CNTNAP2: variants seen among roughly 807,000 people sequenced by gnomAD.
CNTNAP2 encodes the protein contactin associated protein 2.
A neutral mutation model predicts 155.2 loss-of-function variants in CNTNAP2; 98 were observed. The ratio of observed to expected loss-of-function variants is 0.63; its 90% CI spans 0.54 to 0.75. The LOEUF (loss-of-function observed/expected upper bound fraction) is 0.75. CNTNAP2 is among the 30% of genes least tolerant of loss of function. The pLI is 0.00. For synonymous variants in CNTNAP2, 651 were observed against 631.2 expected (o/e 1.03, Z -0.47); for missense variants, 1,727 against 1,688.1 (o/e 1.02, Z -0.40).
chr7:146,586,127 G>A (rs1798688266), intron 1 of CNTNAP2, among the ~76,000 whole-genome samples: 1 of 152,068 alleles, frequency 6.6e-6, no homozygotes, highest in Admixed American at 6.5e-5. Flanking sequence ...AATATATATT[G>A]AAATGACAGA....
chr7:148,215,028 G>A (rs1795612586), intron 18 of CNTNAP2, among the ~76,000 whole-genome samples: 1 of 152,272 alleles, frequency 6.6e-6, no homozygotes, highest in East Asian at 1.9e-4. Context: ...GGACCAGGAG[G>A]AAAATTGCAC....
chr7:147,620,441 A>C (rs1344072565), intron 12 of CNTNAP2, among the ~76,000 whole-genome samples: 1 of 151,922 alleles, frequency 6.6e-6, no homozygotes, highest in Non-Finnish European at 1.5e-5. Flanking sequence ...AAAGCGGAGA[A>C]GGTATTCAGA....
rs1800017136 is a variant in CNTNAP2 at position 148,417,321 on chromosome 7, TACCTAG to T, written c.*1707_*1712del. The T allele has an allele frequency of 6.6e-6, 1 of 152,618 alleles. No individual in the cohort carries two copies. Among genetic ancestry groups the T allele is most frequent in the Non-Finnish European group, 1.5e-5 (1 of 68,038 alleles). 9.5% of individuals were successfully genotyped at this position (152,618 alleles called of 1,614,324 possible). ...CAGTTTCTTGGGTAATGGAAAACAT[TACCTAG>T]AGTTGCCAGTGGCACATTACACCAG... On this transcript the variant is annotated 3_prime_UTR_variant, in exon 24 of 24. Transcript: ENST00000361727.
chr7:147,626,551 C>T (rs1193739995), intron 12 of CNTNAP2, among the ~76,000 whole-genome samples: 1 of 152,168 alleles, frequency 6.6e-6, no homozygotes, highest in East Asian at 1.9e-4. Flanking sequence ...ACCCTAGTAG[C>T]TGATTACAAA....
intron 9 of CNTNAP2, among the ~76,000 whole-genome samples, chr7:147,336,303 AACC>A (rs1393862842): frequency 6.6e-6 from 1 of 152,112 alleles, no homozygotes; most frequent in African/African-American, 2.4e-5. Context: ...CACATTTTCC[AACC>A]TTAGAGTTTT....
intron 14 of CNTNAP2, among the ~76,000 whole-genome samples, chr7:147,939,814 C>CA (rs1800684617): frequency 4.0e-5 from 6 of 151,428 alleles, no homozygotes; most frequent in Admixed American, 4.0e-4. Context: ...ACACACACAC[C>CA]CCCCAGCAGA....
chr7:148,245,967 T>C, intron 20 of CNTNAP2, among the ~76,000 whole-genome samples: 1 of 152,196 alleles, frequency 6.6e-6, no homozygotes, highest in Non-Finnish European at 1.5e-5. Context: ...GCTCCAAACA[T>C]AGCATTAAAA....
At position 146,862,943 on chromosome 7, in the gene CNTNAP2, G is replaced by A. The variant is rs374796113; in HGVS notation, c.402+23039G>A. Among the ~76,000 whole-genome samples, 141 of 152,280 alleles carry A rather than the reference G, an allele frequency of 9.3e-4. 2 individuals are homozygous for A. In the South Asian group the frequency reaches 0.026, roughly 28 times the overall value. The stretch of plus-strand genomic sequence containing the variant: ...CAGTGTTATAGTCACTTTTGTGCTT[G>A]AGTCAACCTTCATGCATATAGATTT... On this transcript the variant is annotated intron_variant, in intron 3 of 23. Transcript: ENST00000361727.
chr7:147,009,747 T>C (rs1798590452), intron 3 of CNTNAP2, among the ~76,000 whole-genome samples: 1 of 152,154 alleles, frequency 6.6e-6, no homozygotes, highest in East Asian at 1.9e-4. Flanking sequence ...GCAAATTCTA[T>C]AGACTTCCTT....
At chr7:148,361,988 T>C (rs1798630575) in intron 21 of CNTNAP2, among the ~76,000 whole-genome samples, 1 of 151,976 alleles carries the variant, frequency 6.6e-6, no homozygotes, top group South Asian at 2.1e-4. Context: ...GGCGAGCAGA[T>C]CATGAAGTTA....
chr7:147,928,262 T>C (rs1486439366), intron 14 of CNTNAP2, among the ~76,000 whole-genome samples: 1 of 152,086 alleles, frequency 6.6e-6, no homozygotes, highest in African/African-American at 2.4e-5. Flanking sequence ...GAACAGACAC[T>C]CCTAATATAC....
At chr7:147,958,594 G>T (rs1393495722) in intron 14 of CNTNAP2, among the ~76,000 whole-genome samples, 3 of 152,084 alleles carry the variant, frequency 2.0e-5, no homozygotes, top group African/African-American at 7.2e-5. Flanking sequence ...TCCTTTTACA[G>T]GTTGATTCAC....
intron 3 of CNTNAP2, among the ~76,000 whole-genome samples, chr7:146,865,419 AT>A (rs1795184982): frequency 6.6e-6 from 1 of 152,154 alleles, no homozygotes; most frequent in Admixed American, 6.6e-5. Context: ...TAAACTTATA[AT>A]AAAGATAGTC....
intron 10 of CNTNAP2, among the ~76,000 whole-genome samples, chr7:147,427,730 C>T (rs1351312): frequency 0.25 from 38,109 of 151,934 alleles, 5,614 homozygotes; most frequent in East Asian, 0.67. Flanking sequence ...ATGCTTTTAC[C>T]ATTTACAAAT....
chr7:146,997,823 A>C (rs186380831), intron 3 of CNTNAP2, among the ~76,000 whole-genome samples: 1 of 152,162 alleles, frequency 6.6e-6, no homozygotes, highest in East Asian at 1.9e-4. Flanking sequence ...TAGGTTATCC[A>C]ATTTGTTGGA....
At chr7:147,768,192 A>G (rs932454703) in intron 13 of CNTNAP2, among the ~76,000 whole-genome samples, 1 of 152,188 alleles carries the variant, frequency 6.6e-6, no homozygotes, top group African/African-American at 2.4e-5. Flanking sequence ...ATTTGAGTAC[A>G]GAAATATGTT....
At chr7:147,201,421 A>G (rs1802918791) in intron 8 of CNTNAP2, among the ~76,000 whole-genome samples, 1 of 152,090 alleles carries the variant, frequency 6.6e-6, no homozygotes, top group Non-Finnish European at 1.5e-5. Flanking sequence ...TGCTAAGAAA[A>G]GCTCTTTTTT....
chr7:147,361,098 A>C (rs1796141064), intron 9 of CNTNAP2, among the ~76,000 whole-genome samples: 1 of 152,216 alleles, frequency 6.6e-6, no homozygotes, highest in South Asian at 2.1e-4. Flanking sequence ...TAAAGAAAAA[A>C]ACCTAAAATA....
At chr7:147,997,730 G>T (rs1429226283) in intron 15 of CNTNAP2, among the ~76,000 whole-genome samples, 3 of 152,200 alleles carry the variant, frequency 2.0e-5, no homozygotes, top group Admixed American at 1.3e-4. Flanking sequence ...AGATTGGCGG[G>T]AGGGAGACTC....
Sources: gnomAD v4.1 joint callset for allele counts (sites outside exome capture counted in the v4.1 genomes callset) on GRCh38, gnomAD v4.1.1 for gene constraint, MANE v1.5 for transcripts, NCBI Gene and HGNC (gene_info 2026-07-23, HGNC 2026-07-21) for gene names.